CYRIB: variants seen among roughly 807,000 people sequenced by gnomAD.
The protein encoded by CYRIB is CYFIP-related Rac1 interactor B.
A neutral mutation model predicts 44.2 loss-of-function variants in CYRIB; 8 were observed. The observed-to-expected ratio is 0.18, with a 90% CI of 0.11 to 0.33. The LOEUF is 0.33. Among genes scored for constraint, CYRIB ranks in the 10% least tolerant of loss-of-function variants. The pLI, the probability that CYRIB is intolerant of heterozygous loss-of-function variation, is 1.00. For missense variants in CYRIB, 185 were observed against 382.8 expected (o/e 0.48, Z 4.31); for synonymous variants, 131 against 127.2 (o/e 1.03, Z -0.20).
chr8:129,940,391 G>T (rs895426306), upstream of CYRIB, among the ~76,000 whole-genome samples: 4 of 152,232 alleles, frequency 2.6e-5, no homozygotes, highest in African/African-American at 7.2e-5. Flanking sequence ...CGCCTGCGAT[G>T]GTATCGCGGA....
intron 2 of CYRIB, among the ~76,000 whole-genome samples, chr8:129,893,174 A>G (rs2066231240): frequency 6.6e-6 from 1 of 152,254 alleles, no homozygotes; most frequent in Non-Finnish European, 1.5e-5. Flanking sequence ...CGCATGGATG[A>G]TCAGTTTTTT....
intron 1 of CYRIB, among the ~76,000 whole-genome samples, chr8:129,987,181 G>GCCA (rs898012448): frequency 5.9e-5 from 9 of 152,200 alleles, no homozygotes; most frequent in African/African-American, 1.7e-4. Flanking sequence ...GAAAAGCAGG[G>GCCA]CCACGACACA....
chr8:129,927,325 C>T (rs750197538), intron 1 of CYRIB, among the ~76,000 whole-genome samples: 1 of 152,076 alleles, frequency 6.6e-6, no homozygotes, highest in Non-Finnish European at 1.5e-5. Flanking sequence ...CATCTTTTAC[C>T]AGATGAAGTG....
chr8:129,990,497 CGTGT>C (rs34534615), intron 1 of CYRIB, among the ~76,000 whole-genome samples: 53,083 of 147,202 alleles, frequency 0.36, 9,858 homozygotes, highest in East Asian at 0.5. Flanking sequence ...TGTGTGTATG[CGTGT>C]GTGTGTGTGT....
At chr8:129,877,682 G>C (rs1434484949) in intron 3 of CYRIB, among the ~76,000 whole-genome samples, 1 of 149,570 alleles carries the variant, frequency 6.7e-6, no homozygotes, top group African/African-American at 2.5e-5. Context: ...GTGTGTGTGT[G>C]TGTGTGTGTG....
Position 129,906,280 on chromosome 8 carries a change from T to A in CYRIB, c.-49-2930A>T, listed in dbSNP as rs529948672. ...TATAGACCAATGGAACAGAACAGAG[T>A]CCTCAGAAATAATAGCACACATCTA... On this transcript the variant is annotated intron_variant, in intron 1 of 11. Coordinates refer to ENST00000519824, the Ensembl canonical transcript of CYRIB. Among the ~76,000 whole-genome samples the A allele has an allele frequency of 5.9e-5, 9 of 151,816 alleles. No individual in the cohort carries two copies. In the South Asian group the frequency reaches 1.5e-3, roughly 25 times the overall value.
chr8:129,943,662 A>G (rs1335312675), upstream of CYRIB, among the ~76,000 whole-genome samples: 1 of 134,510 alleles, frequency 7.4e-6, no homozygotes, highest in Non-Finnish European at 1.6e-5. Flanking sequence ...GCAGTGGCGC[A>G]ATCTTGGCTC....
At chr8:129,953,387 C>A (rs2094603358) in intron 2 of CYRIB, among the ~76,000 whole-genome samples, 1 of 152,140 alleles carries the variant, frequency 6.6e-6, no homozygotes, top group Admixed American at 6.6e-5. Context: ...TACTTGAGAT[C>A]ACTTGCTGCT....
chr8:129,991,971 A>AAAAAAAAAAAAAAGAGAGAG (rs994697259), intron 1 of CYRIB, among the ~76,000 whole-genome samples: 4 of 134,688 alleles, frequency 3.0e-5, no homozygotes, highest in Non-Finnish European at 6.5e-5. Context: ...AAAAAAAAAA[A>AAAAAAAAAAAAAAGAGAGAG]ACAATAGGAA....
intron 1 of CYRIB, among the ~76,000 whole-genome samples, chr8:130,009,192 C>T (rs78975346): frequency 0.016 from 2,477 of 152,230 alleles, 60 homozygotes; most frequent in African/African-American, 0.053. Flanking sequence ...TGCCACTGTC[C>T]TTTTTCAAAG....
chr8:129,989,235 G>C (rs1564652998), intron 1 of CYRIB, among the ~76,000 whole-genome samples: 1 of 152,088 alleles, frequency 6.6e-6, no homozygotes, highest in African/African-American at 2.4e-5. Flanking sequence ...TTACCAGCAG[G>C]ACGACTGGAG....
intron 1 of CYRIB, among the ~76,000 whole-genome samples, chr8:129,923,963 G>C (rs1433994050): frequency 1.3e-5 from 2 of 150,380 alleles, no homozygotes; most frequent in Non-Finnish European, 3.0e-5. Flanking sequence ...AGTAAATGAG[G>C]AAAATGAATT....
At position 129,871,369 on chromosome 8, in the gene CYRIB, C is replaced by T; in HGVS notation, c.195+6G>A. ...GTTAACTAGAAAATACATAAATGCG[C>T]TTTACCTCTCGTATTTCGTGGCCAG... is the stretch of plus-strand genomic sequence containing the variant. On this transcript the variant is annotated splice_donor_region_variant and intron_variant, in intron 4 of 11. Coordinates refer to ENST00000519824, the Ensembl canonical transcript of CYRIB. The T allele has an allele frequency of 1.9e-6, 3 of 1,601,882 alleles. No individual in the cohort carries two copies. Among genetic ancestry groups the T allele is most frequent in the Non-Finnish European group, 2.6e-6 (3 of 1,176,236 alleles).
chr8:129,935,494 C>T lies in CYRIB; in HGVS notation c.-50+4114G>A, dbSNP rs774644155. 3.3e-5 allele frequency among the ~76,000 whole-genome samples: 5 copies of T among 152,188 alleles called. No individual in the cohort carries two copies. The South Asian group carries it at 8.3e-4, about 25-fold the overall frequency. ...TTCATGCTACTATGAGAATCTAATG[C>T]TATCTCCGCTGATCTAACAGGAGGC... On this transcript the variant is annotated intron_variant, in intron 1 of 11. Transcript: ENST00000519824.
chr8:129,925,304 AC>A (rs2086861273), intron 1 of CYRIB, among the ~76,000 whole-genome samples: 1 of 152,174 alleles, frequency 6.6e-6, no homozygotes, highest in Admixed American at 6.5e-5. Flanking sequence ...AGGCTGAGGC[AC>A]GAGAATTGCT....
intron 10 of CYRIB, among the ~76,000 whole-genome samples, chr8:129,849,021 A>G (rs1222063518): frequency 1.3e-5 from 2 of 152,192 alleles, no homozygotes; most frequent in African/African-American, 2.4e-5. Context: ...TCCAGGAGGT[A>G]CTCACTAGAC....
intron 1 of CYRIB, among the ~76,000 whole-genome samples, chr8:129,931,680 G>A (rs922028800): frequency 6.6e-6 from 1 of 152,130 alleles, no homozygotes; most frequent in Non-Finnish European, 1.5e-5. Flanking sequence ...AGGCTAGAAT[G>A]CAGTGGCATG....
At chr8:129,845,399 G>C (rs552561605) in intron 11 of CYRIB, among the ~76,000 whole-genome samples, 1 of 152,208 alleles carries the variant, frequency 6.6e-6, no homozygotes, top group East Asian at 1.9e-4. Context: ...AAAGACTCAT[G>C]ATATCATTAA....
chr8:129,877,663 G>GTGTGTGTGTGTGTGTGT (rs3222125), intron 3 of CYRIB, among the ~76,000 whole-genome samples: 30 of 130,684 alleles, frequency 2.3e-4, no homozygotes, highest in African/African-American at 9.1e-4. Flanking sequence ...AAAAAAAAAA[G>GTGTGTGTGTGTGTGTGT]GTGTGTGTGT....
Sources: allele counts gnomAD v4.1 joint callset (sites outside exome capture counted in the v4.1 genomes callset), GRCh38; gene constraint gnomAD v4.1.1; transcripts MANE v1.5; gene names NCBI Gene and HGNC (gene_info 2026-07-23, HGNC 2026-07-21).